The following HEYL variants were observed in gnomAD, a reference collection of about 807,000 sequenced individuals.
HEYL encodes hairy/enhancer-of-split related with YRPW motif-like protein.
In HEYL, 12 loss-of-function variants were observed where a neutral mutation model predicts 18.6. The observed-to-expected ratio is 0.65, with a 90% CI of 0.41 to 1.05. The LOEUF (loss-of-function observed/expected upper bound fraction) is 1.05, where lower values mean the gene tolerates loss of function less well. Ranked by LOEUF, HEYL falls within the 50% of genes least tolerant of loss-of-function variation. HEYL has a pLI of 0.00. For missense variants in HEYL, 420 were observed against 444.7 expected, an observed-to-expected ratio of 0.94 and a Z score of 0.50; for synonymous variants, 159 against 179.6, an observed-to-expected ratio of 0.89 and a Z score of 0.91.
chr1:39,626,213 A>C lies in HEYL; in HGVS notation c.*294T>G. The C allele has an allele frequency of 3.1e-6, 1 of 327,452 alleles. No individual in the cohort carries two copies. Among genetic ancestry groups the C allele is most frequent in the East Asian group, 5.0e-5 (1 of 19,990 alleles). 20.3% of individuals were successfully genotyped at this position (327,452 alleles called of 1,614,324 possible). On this transcript the variant is annotated 3_prime_UTR_variant, in exon 5 of 5. Transcript: ENST00000372852. ...TGCCTGCTGCTGGTGTGCAGAGGGC[A>C]GGAGAGGGGTCTGGGCGGATCTCTG... is the stretch of plus-strand genomic sequence containing the variant.
chr1:39,632,359 T>C (rs756313558), intron 2 of HEYL, among the ~76,000 whole-genome samples: 51 of 152,212 alleles, frequency 3.4e-4, no homozygotes, highest in Non-Finnish European at 6.5e-4. Flanking sequence ...TAATGGCCTA[T>C]TGTGTGTCTG....
At position 39,626,647 on chromosome 1, in the gene HEYL, G is replaced by C. The variant is rs1269227113; in HGVS notation, c.847C>G (p.Pro283Ala). The C allele has an allele frequency of 1.3e-6, 2 of 1,533,652 alleles. No individual in the cohort carries two copies. Among genetic ancestry groups the C allele is most frequent in the African/African-American group, 2.8e-5 (2 of 72,608 alleles). Residue 283 changes from proline to alanine, a missense_variant, in exon 5 of 5, where the codon CCC becomes GCC. By Grantham distance (27) the Pro-to-Ala change is conservative (BLOSUM62 -1). Coordinates refer to ENST00000372852, the MANE Select transcript of HEYL (RefSeq NM_014571.4). ...APLLQSSSPTPPGPTGSAAYV... is the reference protein window; with the variant it reads ...APLLQSSSPTAPGPTGSAAYV... ...GCAGCCGACCCTGTAGGACCAGGGG[G>C]TGTTGGGGAGGAAGACTGCAGGAGG...
At chr1:39,632,012 C>A (rs1646336317) in intron 2 of HEYL, among the ~76,000 whole-genome samples, 1 of 152,234 alleles carries the variant, frequency 6.6e-6, no homozygotes, top group Admixed American at 6.5e-5. Context: ...TCCACCCACA[C>A]ACTCTCATTC....
In HEYL at chr1:39,626,748, C is replaced by T. The variant is rs748851931; in HGVS notation, c.746G>A (p.Arg249His). ...SRGASSTRRA[R>H]PLERPATPVP... ...AGGGGTCGCTGGCCTCTCTAGGGGG[C>T]GGGCCCTCCGGGTGGAAGATGCCCC... The change falls in exon 5 of 5, where the codon CGC becomes CAC. Residue 249 changes from arginine (R) to histidine (H), a missense_variant. Physicochemically the swap from Arg to His is conservative, Grantham distance 29. Coordinates refer to ENST00000372852, the MANE Select transcript of HEYL (RefSeq NM_014571.4). 12 of 1,523,716 alleles carry T rather than the reference C, an allele frequency of 7.9e-6. No individual in the cohort carries two copies. Among genetic ancestry groups the T allele is most frequent in the Admixed American group, 6.2e-5 (3 of 48,592 alleles). 94.4% of individuals were successfully genotyped at this position (1,523,716 alleles called of 1,614,324 possible).
At chr1:39,630,408 C>T in intron 3 of HEYL, 100 bp from the exon 4 acceptor site, 1 of 912,314 alleles carries the variant, frequency 1.1e-6, no homozygotes, top group Non-Finnish European at 1.8e-6. Context: ...CTTCCTCCCA[C>T]TCCACTGCTG....
rs1476401644 is a variant in HEYL at position 39,625,020 on chromosome 1, T to G, written c.*1487A>C. ...TCAAAGGGAGGAGGTGGGAGAATCT[T>G]CCCAGGGGTGACAACTGAAGTATCT... On this transcript the variant is annotated 3_prime_UTR_variant, in exon 5 of 5. Transcript: ENST00000372852. 1 of 152,124 alleles carries G rather than the reference T, an allele frequency of 6.6e-6. No individual in the cohort carries two copies. The highest frequency in any genetic ancestry group is 1.5e-5 in the Non-Finnish European group (1 of 68,054). The allele number at this position is 152,124 out of a possible 1,614,324, so 9.4% of individuals were successfully genotyped here. A position where few individuals can be genotyped will look rare whatever the true frequency, so the allele number is the denominator to read the frequency against.
chr1:39,632,589 C>G, intron 2 of HEYL, 60 bp downstream of exon 2: 1 of 1,473,848 alleles, frequency 6.8e-7, no homozygotes, highest in Non-Finnish European at 9.3e-7. Context: ...CGCCGCCAGA[C>G]TGCAGGGGAT....
At chr1:39,627,784 G>A (rs1281336889) in intron 4 of HEYL, among the ~76,000 whole-genome samples, 2 of 152,228 alleles carry the variant, frequency 1.3e-5, no homozygotes, top group East Asian at 3.8e-4. Context: ...GGATATAGCA[G>A]TGCCTACCGT....
intron 3 of HEYL, among the ~76,000 whole-genome samples, chr1:39,631,290 C>T (rs1287649478): frequency 1.4e-5 from 2 of 142,224 alleles, no homozygotes; most frequent in African/African-American, 2.6e-5. Context: ...TTTGAGGAGT[C>T]AATTCAATGG....
chr1:39,634,326 C>G lies in HEYL; in HGVS notation c.81-1611G>C, dbSNP rs147902712. Among the ~76,000 whole-genome samples the G allele has an allele frequency of 9.3e-3, 1,423 of 152,286 alleles. 19 individuals are homozygous for G. The highest frequency in any genetic ancestry group is 0.033 in the African/African-American group (1,354 of 41,548). ...GCCAGGATGGTCTTGAACTCCTGAC[C>G]TCAGGTGATCTGCCCGCCTTGGCCT... On this transcript the variant is annotated intron_variant, in intron 1 of 4. Coordinates refer to ENST00000372852, the MANE Select transcript of HEYL (RefSeq NM_014571.4).
intron 1 of HEYL, chr1:39,633,794 C>G (rs1452723824): frequency 5.2e-5 from 8 of 152,538 alleles, no homozygotes; most frequent in Non-Finnish European, 1.2e-4. Flanking sequence ...TACCCCAGTT[C>G]TGCAAGGTGG....
At chr1:39,637,665 C>A (rs369545405) in intron 1 of HEYL, among the ~76,000 whole-genome samples, 1 of 152,176 alleles carries the variant, frequency 6.6e-6, no homozygotes, top group African/African-American at 2.4e-5. Flanking sequence ...GGGGTCTGCT[C>A]CTCTAAGAAC....
rs1466817717 is a variant in HEYL, at chr1:39,624,709, C to T, written c.*1798G>A. On this transcript the variant is annotated 3_prime_UTR_variant, in exon 5 of 5. Coordinates refer to ENST00000372852, the MANE Select transcript of HEYL (RefSeq NM_014571.4). ...CCTCCGGAGCACTCCCTGCCAATGA[C>T]CCACTCTCTAAAATGATCCCCCCTC... The T allele has an allele frequency of 6.6e-6, 1 of 152,348 alleles. No homozygotes were observed. Among genetic ancestry groups the T allele is most frequent in the African/African-American group, 2.4e-5 (1 of 41,454 alleles). 9.4% of individuals were successfully genotyped at this position (152,348 alleles called of 1,614,324 possible).
In HEYL at chr1:39,639,532, A is replaced by G. The variant is rs761261716; in HGVS notation, c.80+14T>C. ...CGCCCTCCGCCTGCTCGGTCCCCGC[A>G]TCCCGGCCCTTACCTCAGCTGGCCC... is the stretch of plus-strand genomic sequence containing the variant. On this transcript the variant is annotated intron_variant, in intron 1 of 4. Transcript: ENST00000372852. 3 of 1,574,622 alleles carry G rather than the reference A, an allele frequency of 1.9e-6. No individual in the cohort carries two copies. The Admixed American group carries it at 5.2e-5, about 27-fold the overall frequency.
intron 1 of HEYL, among the ~76,000 whole-genome samples, chr1:39,634,669 C>T (rs1222182990): frequency 6.6e-6 from 1 of 152,236 alleles, no homozygotes. Flanking sequence ...CATTCCTCCT[C>T]CCACTAGTGT....
In HEYL at chr1:39,626,837, G is replaced by A. The variant is rs756052085; in HGVS notation, c.657C>T (p.Thr219=). 21 of 1,574,452 alleles carry A rather than the reference G, an allele frequency of 1.3e-5. No homozygotes were observed. Among genetic ancestry groups the A allele is most frequent in the Admixed American group, 7.6e-5 (4 of 52,754 alleles). ...SPAYPIPALR[T]APLRRATGII... is the part of the protein sequence containing the mutation. ...TGCCTGTGGCTCTGCGAAGGGGAGC[G>A]GTTCGGAGGGCTGGGATGGGGTAAG... is the stretch of plus-strand genomic sequence containing the variant. Residue 219 remains threonine, a synonymous_variant, in exon 5 of 5, where the codon ACC becomes ACT. Transcript: ENST00000372852.
At chr1:39,630,204 C>T (rs927337998) in intron 4 of HEYL, 23 bp downstream of exon 4, 1 of 1,605,502 alleles carries the variant, frequency 6.2e-7, no homozygotes, top group Non-Finnish European at 8.5e-7. Flanking sequence ...TGAATGACGC[C>T]TGAAAGAGAA....
intron 1 of HEYL, chr1:39,632,942 C>T (rs1241677208): frequency 1.0e-6 from 1 of 984,960 alleles, no homozygotes; most frequent in Non-Finnish European, 1.2e-6. Context: ...CCCCTCGCTC[C>T]TCGCTCCTCG....
At chr1:39,627,459 G>A (rs2124107395) in intron 4 of HEYL, among the ~76,000 whole-genome samples, 1 of 152,362 alleles carries the variant, frequency 6.6e-6, no homozygotes, top group East Asian at 1.9e-4. Context: ...CATGATTAAT[G>A]CAAAGAAAAA....
Sources: gnomAD v4.1 joint callset for allele counts (sites outside exome capture counted in the v4.1 genomes callset) on GRCh38, gnomAD v4.1.1 for gene constraint, MANE v1.5 for transcripts, NCBI Gene and HGNC (gene_info 2026-07-23, HGNC 2026-07-21) for gene names.